NOX4: variants seen among roughly 807,000 people sequenced by gnomAD.
The protein encoded by NOX4 is kidney oxidase-1.
In NOX4, 69 loss-of-function variants were observed where a neutral mutation model predicts 87.6. The observed-to-expected ratio is 0.79, with a 90% confidence interval of 0.65 to 0.96. The LOEUF (loss-of-function observed/expected upper bound fraction) is 0.96. NOX4 is among the 40% of genes least tolerant of loss of function. NOX4 has a pLI of 0.00. For synonymous variants in NOX4, 275 were observed against 238.2 expected, an observed-to-expected ratio of 1.15 and a Z score of -1.42; for missense variants, 680 against 681.5, an observed-to-expected ratio of 1.00 and a Z score of 0.02.
the NOX4 span, among the ~76,000 whole-genome samples, chr11:89,552,360 G>A: frequency 3.0e-4 from 46 of 152,170 alleles, no homozygotes; most frequent in African/African-American, 1.1e-3. Flanking sequence ...GATCATTTAC[G>A]TCTCATTTTA....
At chr11:89,489,831 A>C (rs1438091321) in intron 2 of NOX4, among the ~76,000 whole-genome samples, 1 of 152,200 alleles carries the variant, frequency 6.6e-6, no homozygotes, top group East Asian at 1.9e-4. Flanking sequence ...GCAGTCAAAT[A>C]AGAAGGAGAT....
intron 11 of NOX4, among the ~76,000 whole-genome samples, 157 bp from the exon 12 acceptor site, chr11:89,373,649 A>G (rs1939624005): frequency 6.6e-6 from 1 of 152,066 alleles, no homozygotes; most frequent in South Asian, 2.1e-4. Flanking sequence ...GTGGAAGAAA[A>G]AAAAATCAAT....
upstream of NOX4, among the ~76,000 whole-genome samples, chr11:89,499,717 A>G (rs1467717114): frequency 6.6e-6 from 1 of 152,188 alleles, no homozygotes; most frequent in Non-Finnish European, 1.5e-5. Flanking sequence ...CACACTGTAT[A>G]ATACGTTGGT....
the NOX4 span, among the ~76,000 whole-genome samples, chr11:89,539,355 C>T: frequency 2.0e-5 from 3 of 152,116 alleles, no homozygotes; most frequent in East Asian, 5.8e-4. Flanking sequence ...TCGCCTGAAC[C>T]CAGGAGTAGG....
At chr11:89,446,352 A>G (rs1944705858) in intron 4 of NOX4, among the ~76,000 whole-genome samples, 1 of 152,232 alleles carries the variant, frequency 6.6e-6, no homozygotes, top group South Asian at 2.1e-4. Context: ...TCTCGCACTC[A>G]TACTCTTGGA....
the NOX4 span, among the ~76,000 whole-genome samples, chr11:89,508,905 T>C: frequency 6.6e-6 from 1 of 152,056 alleles, no homozygotes; most frequent in Non-Finnish European, 1.5e-5. Flanking sequence ...AAGTTTCCAT[T>C]GCACACAGTT....
chr11:89,333,311 T>C (rs1408964795), intron 17 of NOX4, among the ~76,000 whole-genome samples: 4 of 151,780 alleles, frequency 2.6e-5, no homozygotes, highest in Non-Finnish European at 4.4e-5. Flanking sequence ...CAAAGTAAGC[T>C]GAAGAATTAC....
chr11:89,408,896 T>C (rs1260127225), intron 8 of NOX4, among the ~76,000 whole-genome samples: 1 of 152,196 alleles, frequency 6.6e-6, no homozygotes, highest in South Asian at 2.1e-4. Flanking sequence ...ATTAGGTAGC[T>C]GATTCTGCCA....
intron 6 of NOX4, among the ~76,000 whole-genome samples, chr11:89,434,102 T>G (rs910353880): frequency 6.6e-6 from 1 of 152,010 alleles, no homozygotes; most frequent in Admixed American, 6.6e-5. Context: ...AAAACTACTA[T>G]GAAATAGAAG....
chr11:89,326,944 T>C, intron 17 of NOX4, 68 bp from the exon 18 acceptor site: 2 of 1,467,162 alleles, frequency 1.4e-6, no homozygotes, highest in South Asian at 2.4e-5. Flanking sequence ...AGAAGTATGC[T>C]TTATGAGCAT....
chr11:89,531,655 T>C, the NOX4 span, among the ~76,000 whole-genome samples: 1 of 152,150 alleles, frequency 6.6e-6, no homozygotes, highest in African/African-American at 2.4e-5. Context: ...GGTTTAAAAG[T>C]TTATGGCAGT....
In NOX4 at chr11:89,438,375, A is replaced by T. The variant is rs565243178; in HGVS notation, c.475+2313T>A. Among the ~76,000 whole-genome samples, 434 of 97,000 alleles carry T rather than the reference A, an allele frequency of 4.5e-3. 2 individuals carry two copies. The highest frequency in any genetic ancestry group is 0.015 in the African/African-American group (377 of 24,340). The allele number at this position is 97,000 out of a possible 152,430, so 63.6% of individuals were successfully genotyped here. On this transcript the variant is annotated intron_variant, in intron 6 of 17. Transcript: ENST00000263317. The stretch of plus-strand genomic sequence containing the variant: ...ATACTATATATTATATAATATATAT[A>T]ATATATAATATATAATTATAATATA...
the NOX4 span, among the ~76,000 whole-genome samples, chr11:89,568,821 A>G: frequency 6.0e-4 from 92 of 152,364 alleles, no homozygotes; most frequent in Middle Eastern, 0.01. Flanking sequence ...AAACAGACAC[A>G]TAGACCAATG....
chr11:89,377,671 T>C (rs1190881480), intron 11 of NOX4, among the ~76,000 whole-genome samples: 1 of 152,150 alleles, frequency 6.6e-6, no homozygotes, highest in Non-Finnish European at 1.5e-5. Flanking sequence ...TATAAAAAAT[T>C]ACAAGCTGCA....
chr11:89,554,217 C>A, the NOX4 span, among the ~76,000 whole-genome samples: 1 of 151,658 alleles, frequency 6.6e-6, no homozygotes, highest in South Asian at 2.1e-4. Context: ...TTTAAAATTG[C>A]ATTTTATTTA....
At chr11:89,410,516 C>T (rs1036493728) in intron 8 of NOX4, among the ~76,000 whole-genome samples, 1 of 152,168 alleles carries the variant, frequency 6.6e-6, no homozygotes, top group African/African-American at 2.4e-5. Flanking sequence ...CTATAGTTTA[C>T]CTAGAATATG....
chr11:89,438,593 TATATA>T lies in NOX4; in HGVS notation c.475+2090_475+2094del, dbSNP rs1944227144. Among the ~76,000 whole-genome samples, 3 of 67,642 alleles carry T rather than the reference TATATA, an allele frequency of 4.4e-5. No individual in the cohort carries two copies. In the South Asian group the frequency reaches 1.8e-3, roughly 40 times the overall value. The allele number at this position is 67,642 out of a possible 152,430, so 44.4% of individuals were successfully genotyped here. A position where few individuals can be genotyped will look rare whatever the true frequency, so the allele number is the denominator to read the frequency against. ...AATATATACTATATATTATATACTA[TATATA>T]ATACTATATATAATATATAGTATAT... is the stretch of plus-strand genomic sequence containing the variant. On this transcript the variant is annotated intron_variant, in intron 6 of 17. Transcript: ENST00000263317.
the NOX4 span, among the ~76,000 whole-genome samples, chr11:89,534,683 A>T: frequency 6.6e-6 from 1 of 152,210 alleles, no homozygotes; most frequent in Non-Finnish European, 1.5e-5. Context: ...ATGGTCTCAG[A>T]GTTCTGCCAG....
At chr11:89,339,967 T>G (rs1172288293) in intron 15 of NOX4, 96 bp downstream of exon 15, 1 of 607,736 alleles carries the variant, frequency 1.6e-6, no homozygotes, top group Non-Finnish European at 2.9e-6. Flanking sequence ...ATTTCTATGG[T>G]TTATTCTATG....
Sources: gnomAD v4.1 joint callset for allele counts (sites outside exome capture counted in the v4.1 genomes callset) on GRCh38, gnomAD v4.1.1 for gene constraint, MANE v1.5 for transcripts, NCBI Gene and HGNC (gene_info 2026-07-23, HGNC 2026-07-21) for gene names.